Variants in KAZN observed in about 807,000 individuals in gnomAD.
KAZN encodes the protein kazrin, periplakin interacting protein.
KAZN carries 40 observed loss-of-function variants against 87.4 expected under a neutral mutation model. The observed-to-expected ratio is 0.46, with a 90% CI of 0.36 to 0.60. The LOEUF (loss-of-function observed/expected upper bound fraction) is 0.60. Ranked by LOEUF, KAZN falls within the 20% of genes least tolerant of loss-of-function variation. KAZN has a pLI of 0.00. For synonymous variants in KAZN, 466 were observed against 458.3 expected (o/e 1.02, Z -0.22); for missense variants, 898 against 1,073.9 (o/e 0.84, Z 2.29).
At chr1:14,083,939 GC>G (rs1227457411) in intron 1 of KAZN, among the ~76,000 whole-genome samples, 1 of 152,184 alleles carries the variant, frequency 6.6e-6, no homozygotes, top group African/African-American at 2.4e-5. Flanking sequence ...GGACCTGTGA[GC>G]AAAACAAACA....
At chr1:14,890,968 A>C (rs12030703) in intron 1 of KAZN, among the ~76,000 whole-genome samples, 15,176 of 149,494 alleles carry the variant, frequency 0.1, 958 homozygotes, top group Admixed American at 0.2. Context: ...CTCAGCCTCC[A>C]GAGTAGCTGG....
At chr1:14,889,577 C>T (rs1273061804) in intron 1 of KAZN, among the ~76,000 whole-genome samples, 3 of 152,190 alleles carry the variant, frequency 2.0e-5, no homozygotes, top group African/African-American at 7.2e-5. Context: ...GGACAGAATT[C>T]CCCCTTGGGG....
chr1:14,547,818 T>C (rs1436038654), intron 2 of KAZN, among the ~76,000 whole-genome samples: 2 of 152,084 alleles, frequency 1.3e-5, no homozygotes, highest in Non-Finnish European at 2.9e-5. Flanking sequence ...CTCGATCTCC[T>C]GACCTTGCGA....
At chr1:14,347,862 A>AT (rs1306840415) in intron 2 of KAZN, among the ~76,000 whole-genome samples, 9 of 147,874 alleles carry the variant, frequency 6.1e-5, no homozygotes, top group Non-Finnish European at 1.2e-4. Flanking sequence ...ATATACTACT[A>AT]TTTTTTTTCT....
intron 1 of KAZN, among the ~76,000 whole-genome samples, chr1:14,622,558 G>A: frequency 6.6e-6 from 1 of 152,116 alleles, no homozygotes; most frequent in Non-Finnish European, 1.5e-5. Flanking sequence ...GGGCGTGGTG[G>A]CGGGTGCCTG....
chr1:14,405,707 C>T (rs953940723), intron 2 of KAZN, among the ~76,000 whole-genome samples: 3 of 150,996 alleles, frequency 2.0e-5, no homozygotes, highest in African/African-American at 7.3e-5. Flanking sequence ...TGGAGGTTTA[C>T]AAGTTCCAAA....
In KAZN at chr1:15,063,511, C is replaced by T. The variant is rs567244208; in HGVS notation, c.1048-61C>T. The T allele has an allele frequency of 4.3e-5, 63 of 1,466,902 alleles. No homozygotes were observed. In the South Asian group the frequency reaches 6.2e-4, roughly 15 times the overall value. The allele number at this position is 1,466,902 out of a possible 1,614,324, so 90.9% of individuals were successfully genotyped here. On this transcript the variant is annotated intron_variant, in intron 6 of 14. Coordinates refer to ENST00000376030, the MANE Select transcript of KAZN (RefSeq NM_201628.3). Reference sequence around the variant, plus strand: ...GAAGGCCCCACACCGCACGGGCCGCCTCTGCTCTCCTGTGTCACCTGTCTC... The same window carrying T: ...GAAGGCCCCACACCGCACGGGCCGCTTCTGCTCTCCTGTGTCACCTGTCTC...
At chr1:14,049,370 G>A (rs1234681946) in intron 1 of KAZN, among the ~76,000 whole-genome samples, 2 of 152,152 alleles carry the variant, frequency 1.3e-5, no homozygotes, top group African/African-American at 4.8e-5. Flanking sequence ...AATGTTAAAT[G>A]ACAAGTTAAT....
At chr1:13,943,541 A>C (rs10927960) in intron 1 of KAZN, among the ~76,000 whole-genome samples, 21,060 of 152,070 alleles carry the variant, frequency 0.14, 1,549 homozygotes, top group Middle Eastern at 0.22. Flanking sequence ...TGTTTTCAGA[A>C]AAAGAAAAAA....
At chr1:15,063,072 A>G (rs1414020079) in intron 6 of KAZN, 1 of 159,686 alleles carries the variant, frequency 6.3e-6, no homozygotes, top group Non-Finnish European at 1.4e-5. Flanking sequence ...ATCTGTGAAT[A>G]GGGCTAACGA....
chr1:14,126,969 G>A (rs1343681126), intron 1 of KAZN, among the ~76,000 whole-genome samples: 1 of 152,220 alleles, frequency 6.6e-6, no homozygotes, highest in Non-Finnish European at 1.5e-5. Flanking sequence ...AGCCAGGCAT[G>A]GTGGTAGGCG....
intron 4 of KAZN, among the ~76,000 whole-genome samples, chr1:15,045,358 G>A (rs533837575): frequency 6.6e-6 from 1 of 152,186 alleles, no homozygotes; most frequent in Admixed American, 6.5e-5. Context: ...ACTTTGGGCA[G>A]GAGCCTTCAC....
intron 1 of KAZN, among the ~76,000 whole-genome samples, chr1:14,752,505 C>T (rs1312663355): frequency 6.6e-6 from 1 of 152,164 alleles, no homozygotes; most frequent in Non-Finnish European, 1.5e-5. Context: ...AGTCCAAGAT[C>T]AAGACACCAG....
intron 8 of KAZN, 49 bp downstream of exon 8, chr1:15,065,802 C>G (rs371846632): frequency 1.3e-5 from 21 of 1,597,728 alleles, no homozygotes; most frequent in Non-Finnish European, 1.8e-5. Context: ...TGGTGATACG[C>G]GCTCCCCTGC....
chr1:14,739,129 G>C (rs535786293), intron 1 of KAZN, among the ~76,000 whole-genome samples: 1 of 152,302 alleles, frequency 6.6e-6, no homozygotes, highest in East Asian at 1.9e-4. Flanking sequence ...AGTGAGCTAT[G>C]ATTGCACCAC....
chr1:14,270,986 C>A (rs952171287), intron 2 of KAZN, among the ~76,000 whole-genome samples: 4 of 152,184 alleles, frequency 2.6e-5, no homozygotes, highest in Non-Finnish European at 5.9e-5. Flanking sequence ...TCCGTTTGCT[C>A]CGGCTGCCAT....
At chr1:13,919,734 GGGCA>G (rs1329359395) in intron 1 of KAZN, among the ~76,000 whole-genome samples, 5 of 152,090 alleles carry the variant, frequency 3.3e-5, no homozygotes, top group African/African-American at 1.2e-4. Flanking sequence ...CCAGTCTTTG[GGGCA>G]TATGGATGGT....
At chr1:14,633,774 G>GC (rs1480405858) in intron 1 of KAZN, among the ~76,000 whole-genome samples, 2 of 152,112 alleles carry the variant, frequency 1.3e-5, no homozygotes, top group Non-Finnish European at 2.9e-5. Context: ...CTCCTACAGT[G>GC]CCTTGGGGAC....
chr1:14,877,749 A>G (rs2807544), intron 1 of KAZN, among the ~76,000 whole-genome samples: 65,404 of 152,108 alleles, frequency 0.43, 16,034 homozygotes, highest in Non-Finnish European at 0.55. Flanking sequence ...AAATGAGTGA[A>G]TATGTGCAAT....
Sources: allele counts gnomAD v4.1 joint callset (sites outside exome capture counted in the v4.1 genomes callset), GRCh38; gene constraint gnomAD v4.1.1; transcripts MANE v1.5; gene names NCBI Gene and HGNC (gene_info 2026-07-23, HGNC 2026-07-21).